DIP2C: variants seen among roughly 807,000 people sequenced by gnomAD.
DIP2C encodes the protein disco-interacting protein 2 homolog C.
In DIP2C, 33 loss-of-function variants were observed where a neutral mutation model predicts 192.4. The observed-to-expected ratio is 0.17, with a 90% CI of 0.13 to 0.23. The LOEUF (loss-of-function observed/expected upper bound fraction) is 0.23, where lower values mean the gene tolerates loss of function less well. Ranked by LOEUF, DIP2C falls within the 10% of genes least tolerant of loss-of-function variation. The probability of loss-of-function intolerance (pLI) is 1.00; values close to 1 mark genes in which losing one functional copy is unlikely to be tolerated. For missense variants in DIP2C, 1,537 were observed against 2,110.1 expected (o/e 0.73, Z 5.32); for synonymous variants, 979 against 864.1 (o/e 1.13, Z -2.33).
intron 5 of DIP2C, among the ~76,000 whole-genome samples, chr10:419,998 C>T (rs909415333): frequency 1.8e-4 from 28 of 152,188 alleles, no homozygotes; most frequent in African/African-American, 6.5e-4. Context: ...ACGCCCGTCA[C>T]ACCCAGAATC....
intron 1 of DIP2C, among the ~76,000 whole-genome samples, chr10:537,859 G>A (rs1050160180): frequency 3.3e-5 from 5 of 151,020 alleles, no homozygotes; most frequent in African/African-American, 9.8e-5. Flanking sequence ...TGGCGATCTC[G>A]GCTCACTGCA....
At chr10:470,414 A>AC (rs1023490532) in intron 3 of DIP2C, among the ~76,000 whole-genome samples, 2 of 151,966 alleles carry the variant, frequency 1.3e-5, no homozygotes, top group Non-Finnish European at 2.9e-5. Context: ...ACTCTCAGCC[A>AC]CCCCCTCTGC....
Position 390,386 on chromosome 10 carries a change from C to T in DIP2C, c.1385-13G>A, listed in dbSNP as rs996044596. The T allele has an allele frequency of 3.1e-6, 5 of 1,610,432 alleles. No individual in the cohort carries two copies. Among genetic ancestry groups the T allele is most frequent in the Non-Finnish European group, 4.2e-6 (5 of 1,176,952 alleles). ...AGCTTTGGCCAACCTTGGAAATAAA[C>T]AACAAGTTCCTTTTAAATGTTACTC... On this transcript the variant is annotated splice_polypyrimidine_tract_variant and intron_variant, in intron 11 of 36. Transcript: ENST00000280886.
At chr10:429,210 C>T (rs1966781771) in intron 4 of DIP2C, among the ~76,000 whole-genome samples, 1 of 138,700 alleles carries the variant, frequency 7.2e-6, no homozygotes, top group Admixed American at 7.1e-5. Flanking sequence ...CCTGCCTCCC[C>T]CCGGACCCTG....
At chr10:376,393 C>T (rs909153886) in intron 17 of DIP2C, among the ~76,000 whole-genome samples, 5 of 152,022 alleles carry the variant, frequency 3.3e-5, no homozygotes, top group Non-Finnish European at 7.4e-5. Flanking sequence ...CCACACACGA[C>T]GTTCCCTGTG....
chr10:478,738 T>C (rs946188909), intron 2 of DIP2C, among the ~76,000 whole-genome samples: 2 of 148,274 alleles, frequency 1.3e-5, no homozygotes. Context: ...TGTAGACACA[T>C]CCAAATTCCC....
chr10:460,563 CAA>C (rs1258193041), intron 3 of DIP2C, among the ~76,000 whole-genome samples: 2 of 152,032 alleles, frequency 1.3e-5, no homozygotes, highest in African/African-American at 4.8e-5. Context: ...TAAGCAATAA[CAA>C]AATTATTTCT....
chr10:510,375 A>G (rs759144513), intron 1 of DIP2C, among the ~76,000 whole-genome samples: 15 of 152,234 alleles, frequency 9.9e-5, no homozygotes, highest in Non-Finnish European at 1.8e-4. Context: ...GTGACTAATC[A>G]TAGGCAGTTT....
intron 1 of DIP2C, among the ~76,000 whole-genome samples, chr10:593,482 G>A (rs1235737694): frequency 5.1e-5 from 5 of 97,130 alleles, no homozygotes; most frequent in Admixed American, 1.0e-4. Context: ...CTGCCCACGC[G>A]GGACCCCCCC....
chr10:564,348 C>CA (rs1849357837), intron 1 of DIP2C, among the ~76,000 whole-genome samples: 1 of 152,120 alleles, frequency 6.6e-6, no homozygotes, highest in Non-Finnish European at 1.5e-5. Context: ...ACCCTCCCCA[C>CA]ACCCCAGCCT....
At chr10:511,277 C>T (rs951273441) in intron 1 of DIP2C, among the ~76,000 whole-genome samples, 1 of 152,150 alleles carries the variant, frequency 6.6e-6, no homozygotes, top group Non-Finnish European at 1.5e-5. Context: ...GCCAATCCAG[C>T]GGCTTCCTCC....
At chr10:471,051 T>TA (rs1970587030) in intron 3 of DIP2C, among the ~76,000 whole-genome samples, 1 of 151,544 alleles carries the variant, frequency 6.6e-6, no homozygotes, top group Non-Finnish European at 1.5e-5. Flanking sequence ...CCCACATGAG[T>TA]AAGAGAAGGT....
At chr10:637,127 C>T (rs1745122236) in intron 1 of DIP2C, among the ~76,000 whole-genome samples, 1 of 152,278 alleles carries the variant, frequency 6.6e-6, no homozygotes, top group Non-Finnish European at 1.5e-5. Flanking sequence ...AAGATGGTGA[C>T]ATTTCCCTAC....
intron 1 of DIP2C, among the ~76,000 whole-genome samples, chr10:578,871 A>G (rs1395298968): frequency 6.6e-6 from 1 of 152,000 alleles, no homozygotes; most frequent in African/African-American, 2.4e-5. Flanking sequence ...ACACTAACAC[A>G]CATGTACGTG....
intron 8 of DIP2C, 33 bp downstream of exon 8, chr10:413,880 G>T: frequency 6.2e-7 from 1 of 1,600,572 alleles, no homozygotes. Flanking sequence ...GCGAGGGGGT[G>T]GGCAAAGGGC....
chr10:532,730 TATGGGTGTGA>T (rs1564824911), intron 1 of DIP2C, among the ~76,000 whole-genome samples: 12 of 110,786 alleles, frequency 1.1e-4, no homozygotes, highest in African/African-American at 2.7e-4. Context: ...TGAGAGAGAG[TATGGGTGTGA>T]GAGAGAGTAT....
intron 1 of DIP2C, among the ~76,000 whole-genome samples, chr10:575,349 T>C (rs960092066): frequency 2.0e-5 from 3 of 152,190 alleles, no homozygotes; most frequent in Non-Finnish European, 1.5e-5. Flanking sequence ...ACTGAAGTTT[T>C]CAAATGAAGG....
intron 1 of DIP2C, among the ~76,000 whole-genome samples, chr10:635,813 G>A (rs375465851): frequency 6.4e-4 from 97 of 152,304 alleles, no homozygotes; most frequent in Admixed American, 1.8e-3. Context: ...CTCAGTGAAG[G>A]GTCTTGTCAG....
At chr10:465,049 C>G (rs558609114) in intron 3 of DIP2C, among the ~76,000 whole-genome samples, 342 of 146,268 alleles carry the variant, frequency 2.3e-3, no homozygotes, top group African/African-American at 8.1e-3. Context: ...AGGCCAGCAT[C>G]ATTCTGATAC....
Sources: gnomAD v4.1 joint callset for allele counts (sites outside exome capture counted in the v4.1 genomes callset) on GRCh38, gnomAD v4.1.1 for gene constraint, MANE v1.5 for transcripts, NCBI Gene and HGNC (gene_info 2026-07-23, HGNC 2026-07-21) for gene names.